The following ICAM1 variants were observed in gnomAD, a reference collection of about 807,000 sequenced individuals.
ICAM1 encodes ICAM-1.
Under a neutral mutation model 42.3 loss-of-function variants are expected in ICAM1, and 28 were observed. The observed-to-expected ratio is 0.66, with a 90% CI of 0.49 to 0.91. The LOEUF is 0.91. Among genes scored for constraint, ICAM1 ranks in the 40% least tolerant of loss-of-function variants. ICAM1 has a pLI of 0.00. For missense variants in ICAM1, 637 were observed against 688.6 expected (o/e 0.93, Z 0.84); for synonymous variants, 304 against 305.9 (o/e 0.99, Z 0.07).
At chr19:10,272,003 C>T (rs968120855) in intron 1 of ICAM1, among the ~76,000 whole-genome samples, 4 of 152,096 alleles carry the variant, frequency 2.6e-5, no homozygotes, top group Non-Finnish European at 4.4e-5. Flanking sequence ...GCCTGAGATC[C>T]AGGCCAGCAC....
At chr19:10,283,067 G>C (rs1470457149) in intron 2 of ICAM1, 2 of 157,898 alleles carry the variant, frequency 1.3e-5, no homozygotes, top group East Asian at 3.6e-4. Context: ...AACCTGGTGT[G>C]GTGGTGTGTG....
chr19:10,275,325 T>C (rs985567392), intron 2 of ICAM1, among the ~76,000 whole-genome samples: 24 of 152,148 alleles, frequency 1.6e-4, no homozygotes, highest in Admixed American at 2.6e-4. Context: ...GGCGAAACCC[T>C]GTCTCTGCTG....
At chr19:10,279,216 G>A (rs1241022455) in intron 2 of ICAM1, among the ~76,000 whole-genome samples, 3 of 152,106 alleles carry the variant, frequency 2.0e-5, no homozygotes, top group African/African-American at 7.2e-5. Context: ...TGGGAGCAGG[G>A]AGAAATCTTG....
At chr19:10,276,343 A>G (rs1163796039) in intron 2 of ICAM1, among the ~76,000 whole-genome samples, 12 of 150,974 alleles carry the variant, frequency 7.9e-5, no homozygotes, top group Non-Finnish European at 3.0e-5. Flanking sequence ...CAGGAGATCG[A>G]GACCATCCTG....
chr19:10,277,678 G>A (rs1272515720), intron 2 of ICAM1, among the ~76,000 whole-genome samples: 3 of 151,588 alleles, frequency 2.0e-5, no homozygotes, highest in African/African-American at 2.4e-5. Context: ...AGTAGAGACG[G>A]GATTTCATCA....
rs1465004002 is a variant in ICAM1, at chr19:10,283,636, G to C, written c.487G>C (p.Val163Leu). ...GEKELKREPA[V>L]GEPAEVTTTV... is the part of the protein sequence containing the mutation. Reference sequence around the variant, plus strand: ...GAAGGAGCTGAAACGGGAGCCAGCTGTGGGGGAGCCCGCTGAGGTCACGAC... The same window carrying C: ...GAAGGAGCTGAAACGGGAGCCAGCTCTGGGGGAGCCCGCTGAGGTCACGAC... Residue 163 changes from valine (V) to leucine (L), a missense_variant, in exon 3 of 7, where the codon GTG (valine) becomes CTG (leucine). By Grantham distance (32) the Val-to-Leu change is conservative (BLOSUM62 1). Transcript: ENST00000264832. 5 of 1,614,046 alleles carry C rather than the reference G, an allele frequency of 3.1e-6. No homozygotes were observed. In the East Asian group the frequency reaches 1.1e-4, roughly 36 times the overall value.
chr19:10,272,193 G>GA (rs1236025988), intron 1 of ICAM1, among the ~76,000 whole-genome samples: 1 of 152,156 alleles, frequency 6.6e-6, no homozygotes, highest in Non-Finnish European at 1.5e-5. Flanking sequence ...GCTGAGGGAG[G>GA]AAAATCCCTT....
intron 2 of ICAM1, 122 bp downstream of exon 2, chr19:10,275,150 G>GAC: frequency 2.0e-6 from 2 of 981,024 alleles, no homozygotes; most frequent in African/African-American, 1.6e-5. Context: ...GGGGCTCCTT[G>GAC]CAGGGCAGGT....
intron 1 of ICAM1, among the ~76,000 whole-genome samples, chr19:10,272,737 T>C (rs890905646): frequency 1.3e-5 from 2 of 151,628 alleles, no homozygotes; most frequent in Non-Finnish European, 1.5e-5. Context: ...GGCTAATCAC[T>C]GTGTTAGCCA....
In ICAM1 at chr19:10,284,704, C is replaced by A. The variant is rs2040089444; in HGVS notation, c.1180+47C>A. 1.2e-6 allele frequency: 2 copies of A among 1,612,332 alleles called. No individual in the cohort carries two copies. The highest frequency in any genetic ancestry group is 8.5e-7 in the Non-Finnish European group (1 of 1,179,424). On this transcript the variant is annotated intron_variant, in intron 5 of 6. Coordinates refer to ENST00000264832, the MANE Select transcript of ICAM1 (RefSeq NM_000201.3). The surrounding 1 kb of genome is among the most constrained non-coding windows in gnomAD (Gnocchi z 5.4). ...TGGCCCCTATCCCCCAAGGCCCAAT[C>A]TCCCTGAAGGTCCCATAAGGTCTTG...
Position 10,285,425 on chromosome 19 carries a change from A to C in ICAM1, c.*138A>C. On this transcript the variant is annotated 3_prime_UTR_variant, in exon 7 of 7. Transcript: ENST00000264832. Reference sequence around the variant, plus strand: ...CGCCGGAGGACAGGGCATTGTCCTCAGTCAGATACAACAGCATTTGGGGCC... The same window carrying C: ...CGCCGGAGGACAGGGCATTGTCCTCCGTCAGATACAACAGCATTTGGGGCC... The C allele has an allele frequency of 4.0e-6, 3 of 744,378 alleles. No homozygotes were observed. The highest frequency in any genetic ancestry group is 6.6e-6 in the Non-Finnish European group (3 of 455,860). The allele number at this position is 744,378 out of a possible 1,614,324, so 46.1% of individuals were successfully genotyped here.
intron 1 of ICAM1, among the ~76,000 whole-genome samples, chr19:10,272,212 G>A (rs11575072): frequency 2.6e-4 from 39 of 152,184 alleles, no homozygotes; most frequent in Admixed American, 7.9e-4. Flanking sequence ...TTAAGCCCAC[G>A]AGGCTGAGGT....
Position 10,285,378 on chromosome 19 carries a change from G to A in ICAM1, c.*91G>A. On this transcript the variant is annotated 3_prime_UTR_variant, in exon 7 of 7. Transcript: ENST00000264832. ...CAGAGTGGAAGACATATGCCATGCA[G>A]CTACACCTACCGGCCCTGGGACGCC... is the stretch of plus-strand genomic sequence containing the variant. 1 of 1,286,526 alleles carries A rather than the reference G, an allele frequency of 7.8e-7. No homozygotes were observed. Among genetic ancestry groups the A allele is most frequent in the Non-Finnish European group, 1.1e-6 (1 of 922,562 alleles). 79.7% of individuals were successfully genotyped at this position (1,286,526 alleles called of 1,614,324 possible). A position where few individuals can be genotyped will look rare whatever the true frequency, so the allele number is the denominator to read the frequency against.
intron 1 of ICAM1, among the ~76,000 whole-genome samples, chr19:10,271,972 C>T (rs894802835): frequency 6.6e-6 from 1 of 152,054 alleles, no homozygotes; most frequent in Non-Finnish European, 1.5e-5. Flanking sequence ...AGATTGACAG[C>T]TTGGTTAACA....
chr19:10,284,647 T>C lies in ICAM1; in HGVS notation c.1170T>C (p.Leu390=). 1 of 1,614,004 alleles carries C rather than the reference T, an allele frequency of 6.2e-7. No individual in the cohort carries two copies. The highest frequency in any genetic ancestry group is 8.5e-7 in the Non-Finnish European group (1 of 1,179,938). The change falls in exon 5 of 7, where the codon CTT becomes CTC. Residue 390 remains leucine (L), a synonymous_variant. Transcript: ENST00000264832. This position sits in a 1 kb window ranked among gnomAD's most constrained non-coding sequence, Gnocchi z 5.4. ...QLIHKNQTRE[L]RVLYGPRLDE... The stretch of plus-strand genomic sequence containing the variant: ...TACACAAGAACCAGACCCGGGAGCT[T>C]CGTGTCCTGTGTGAGTGGGGCTGCT...
At chr19:10,280,658 C>T (rs2040049456) in intron 2 of ICAM1, among the ~76,000 whole-genome samples, 1 of 152,026 alleles carries the variant, frequency 6.6e-6, no homozygotes, top group Non-Finnish European at 1.5e-5. Flanking sequence ...CAACCTCCGA[C>T]CCCCAGGATC....
intron 2 of ICAM1, among the ~76,000 whole-genome samples, chr19:10,276,554 A>C (rs2040018700): frequency 6.6e-6 from 1 of 151,398 alleles, no homozygotes; most frequent in Non-Finnish European, 1.5e-5. Flanking sequence ...CAAAAAAAAA[A>C]AAAAAAAAAA....
chr19:10,285,415 C>T lies in ICAM1; in HGVS notation c.*128C>T, dbSNP rs2040097076. 2 of 827,242 alleles carry T rather than the reference C, an allele frequency of 2.4e-6. No individual in the cohort carries two copies. Among genetic ancestry groups the T allele is most frequent in the African/African-American group, 1.7e-5 (1 of 57,840 alleles). The allele number at this position is 827,242 out of a possible 1,614,324, so 51.2% of individuals were successfully genotyped here. On this transcript the variant is annotated 3_prime_UTR_variant, in exon 7 of 7. Transcript: ENST00000264832. ...GGCCCTGGGACGCCGGAGGACAGGG[C>T]ATTGTCCTCAGTCAGATACAACAGC...
chr19:10,284,098 G>A lies in ICAM1; in HGVS notation c.703G>A (p.Val235Met), dbSNP rs769386131. 27 of 1,613,904 alleles carry A rather than the reference G, an allele frequency of 1.7e-5. No homozygotes were observed. The East Asian group carries it at 2.2e-4, about 13-fold the overall frequency. ...RVLEVDTQGT[V>M]VCSLDGLFPV... ...CCTAGAGGTGGACACGCAGGGGACC[G>A]TGGTCTGTTCCCTGGACGGGCTGTT... Residue 235 changes from valine (V) to methionine (M), a missense_variant, in exon 4 of 7, where the codon GTG becomes ATG. Transcript: ENST00000264832. This position sits in a 1 kb window ranked among gnomAD's most constrained non-coding sequence, Gnocchi z 5.4.
Sources: gnomAD v4.1 joint callset for allele counts (sites outside exome capture counted in the v4.1 genomes callset) on GRCh38, gnomAD v4.1.1 for gene constraint, Gnocchi (gnomAD v3.1) non-coding constraint, MANE v1.5 for transcripts, NCBI Gene and HGNC (gene_info 2026-07-23, HGNC 2026-07-21) for gene names.